PRKN: variants seen among roughly 807,000 people sequenced by gnomAD.
The protein encoded by PRKN is parkin RBR E3 ubiquitin protein ligase.
PRKN carries 56 observed loss-of-function variants against 59.5 expected under a neutral mutation model. The ratio of observed to expected loss-of-function variants is 0.94; its 90% CI spans 0.76 to 1.18. The LOEUF (loss-of-function observed/expected upper bound fraction) is 1.18, where lower values mean the gene tolerates loss of function less well. Among genes scored for constraint, PRKN ranks in the 50% most tolerant of loss-of-function variants. The pLI is 0.00. For missense variants in PRKN, 657 were observed against 596.4 expected, an observed-to-expected ratio of 1.10 and a Z score of -1.06; for synonymous variants, 250 against 222.1, an observed-to-expected ratio of 1.13 and a Z score of -1.12.
chr6:162,686,848 G>A (rs1777577322), intron 1 of PRKN, among the ~76,000 whole-genome samples: 1 of 152,038 alleles, frequency 6.6e-6, no homozygotes, highest in African/African-American at 2.4e-5. Flanking sequence ...TTATTTCTGG[G>A]TTCTCTATTC....
intron 5 of PRKN, among the ~76,000 whole-genome samples, chr6:161,985,012 G>A (rs1781384444): frequency 6.6e-6 from 1 of 152,130 alleles, no homozygotes. Flanking sequence ...CTTTCCTTAG[G>A]TTTTGGACTA....
intron 7 of PRKN, among the ~76,000 whole-genome samples, chr6:161,608,833 C>A (rs755471161): frequency 6.6e-6 from 1 of 152,088 alleles, no homozygotes; most frequent in Non-Finnish European, 1.5e-5. Context: ...AGCCACCATA[C>A]CCAGCCTAGA....
At chr6:162,628,937 T>C (rs1257023796) in intron 1 of PRKN, among the ~76,000 whole-genome samples, 1 of 152,102 alleles carries the variant, frequency 6.6e-6, no homozygotes, top group Non-Finnish European at 1.5e-5. Context: ...TGTACTAAAA[T>C]AATGTCTCGT....
intron 2 of PRKN, among the ~76,000 whole-genome samples, chr6:162,370,251 T>G (rs1562708056): frequency 6.6e-6 from 1 of 152,190 alleles, no homozygotes; most frequent in Non-Finnish European, 1.5e-5. Context: ...TGGGATCACC[T>G]GGCAGATGAT....
intron 9 of PRKN, among the ~76,000 whole-genome samples, chr6:161,517,292 G>C (rs1778644891): frequency 6.6e-6 from 1 of 152,076 alleles, no homozygotes; most frequent in African/African-American, 2.4e-5. Context: ...TATGGATCTG[G>C]GAGCAGTAAG....
chr6:162,449,545 ATTTT>A (rs1175486901), intron 1 of PRKN, among the ~76,000 whole-genome samples: 1 of 151,746 alleles, frequency 6.6e-6, no homozygotes, highest in Non-Finnish European at 1.5e-5. Flanking sequence ...CTCGTTTTTT[ATTTT>A]TTAATTGCTA....
At position 161,399,595 on chromosome 6, in the gene PRKN, C is replaced by G. The variant is rs1015407853; in HGVS notation, c.1084-12718G>C. On this transcript the variant is annotated intron_variant, in intron 9 of 11. Coordinates refer to ENST00000366898, the MANE Select transcript of PRKN (RefSeq NM_004562.3). This position sits in a 1 kb window ranked among gnomAD's most constrained non-coding sequence, Gnocchi z 4.4. Reference sequence around the variant, plus strand: ...AGCCATATGCCTGTTGCATGTCCTGCAACCGGGGTGGGTCAGGGAACTCTC... The same window carrying G: ...AGCCATATGCCTGTTGCATGTCCTGGAACCGGGGTGGGTCAGGGAACTCTC... 2.0e-5 allele frequency among the ~76,000 whole-genome samples: 3 copies of G among 152,142 alleles called. No homozygotes were observed. Among genetic ancestry groups the G allele is most frequent in the Non-Finnish European group, 4.4e-5 (3 of 68,040 alleles).
At chr6:161,802,553 G>C (rs1198338588) in intron 6 of PRKN, among the ~76,000 whole-genome samples, 1 of 151,794 alleles carries the variant, frequency 6.6e-6, no homozygotes, top group Non-Finnish European at 1.5e-5. Context: ...CCTCCTGTGC[G>C]AGCGTGCTTC....
At chr6:162,276,267 A>T (rs182719787) in intron 2 of PRKN, among the ~76,000 whole-genome samples, 111 of 152,320 alleles carry the variant, frequency 7.3e-4, no homozygotes, top group African/African-American at 2.3e-3. Context: ...TGAAATGATT[A>T]GATGTCACAT....
At chr6:162,035,303 T>C (rs1783797952) in intron 5 of PRKN, among the ~76,000 whole-genome samples, 1 of 152,060 alleles carries the variant, frequency 6.6e-6, no homozygotes, top group South Asian at 2.1e-4. Flanking sequence ...CTCGAACATC[T>C]CCCACCAGGC....
At chr6:161,975,404 G>A (rs995465660) in intron 5 of PRKN, among the ~76,000 whole-genome samples, 1 of 152,100 alleles carries the variant, frequency 6.6e-6, no homozygotes, top group Admixed American at 6.6e-5. Context: ...CTTCTTAAGT[G>A]AAAAACAATA....
chr6:162,476,143 C>T (rs1346764216), intron 1 of PRKN, among the ~76,000 whole-genome samples: 3 of 150,724 alleles, frequency 2.0e-5, no homozygotes, highest in South Asian at 2.1e-4. Flanking sequence ...CTGCAACCTC[C>T]GCCTCTCGGT....
At chr6:162,012,204 A>G (rs1782754478) in intron 5 of PRKN, among the ~76,000 whole-genome samples, 1 of 152,088 alleles carries the variant, frequency 6.6e-6, no homozygotes, top group Non-Finnish European at 1.5e-5. Flanking sequence ...AAATTTTAAA[A>G]CAACTTCAGA....
At chr6:161,673,241 A>C (rs894983398) in intron 7 of PRKN, among the ~76,000 whole-genome samples, 3 of 152,200 alleles carry the variant, frequency 2.0e-5, no homozygotes, top group African/African-American at 7.2e-5. Flanking sequence ...ACAAACATGG[A>C]AACCCAAGTC....
chr6:161,730,679 T>C (rs1787662375), intron 7 of PRKN, among the ~76,000 whole-genome samples: 1 of 152,182 alleles, frequency 6.6e-6, no homozygotes, highest in African/African-American at 2.4e-5. Context: ...TTCAGATATG[T>C]GGCATTCTGA....
At chr6:161,433,940 C>G (rs1329199858) in intron 9 of PRKN, among the ~76,000 whole-genome samples, 1 of 151,924 alleles carries the variant, frequency 6.6e-6, no homozygotes, top group Non-Finnish European at 1.5e-5. Context: ...TTATCTGAAC[C>G]CGGGAGGCAG....
At position 162,004,739 on chromosome 6, in the gene PRKN, G is replaced by T. The variant is rs535123305; in HGVS notation, c.619-31322C>A. Among the ~76,000 whole-genome samples the T allele has an allele frequency of 5.3e-5, 8 of 152,272 alleles. No homozygotes were observed. In the South Asian group the frequency reaches 1.7e-3, roughly 32 times the overall value. On this transcript the variant is annotated intron_variant, in intron 5 of 11. Coordinates refer to ENST00000366898, the MANE Select transcript of PRKN (RefSeq NM_004562.3). The stretch of plus-strand genomic sequence containing the variant: ...GAAACTCATTTACCACACTGCAGAT[G>T]GTATGTCTCCCCTGTGATGAGCAAC...
At chr6:161,495,820 G>C (rs1777727810) in intron 9 of PRKN, among the ~76,000 whole-genome samples, 1 of 152,142 alleles carries the variant, frequency 6.6e-6, no homozygotes, top group Non-Finnish European at 1.5e-5. Context: ...TCTCTTGGTG[G>C]GGTTAGACCC....
chr6:161,789,261 G>A (rs889293265), intron 6 of PRKN, among the ~76,000 whole-genome samples: 1 of 152,192 alleles, frequency 6.6e-6, no homozygotes, highest in East Asian at 1.9e-4. Flanking sequence ...AAATCAAAGA[G>A]GAGGGGAAAG....
Sources: gnomAD v4.1 joint callset for allele counts (sites outside exome capture counted in the v4.1 genomes callset) on GRCh38, gnomAD v4.1.1 for gene constraint, Gnocchi (gnomAD v3.1) non-coding constraint, MANE v1.5 for transcripts, NCBI Gene and HGNC (gene_info 2026-07-23, HGNC 2026-07-21) for gene names.